USP2: variants seen among roughly 807,000 people sequenced by gnomAD.
USP2 encodes the protein ubiquitin carboxyl-terminal hydrolase 2.
USP2 carries 33 observed loss-of-function variants against 72.0 expected under a neutral mutation model. The ratio of observed to expected loss-of-function variants is 0.46; its 90% CI spans 0.35 to 0.61. The LOEUF (loss-of-function observed/expected upper bound fraction) is 0.61, where lower values mean the gene tolerates loss of function less well. Among genes scored for constraint, USP2 ranks in the 20% least tolerant of loss-of-function variants. The pLI is 0.01. For synonymous variants in USP2, 296 were observed against 312.5 expected, an observed-to-expected ratio of 0.95 and a Z score of 0.56; for missense variants, 691 against 797.8, an observed-to-expected ratio of 0.87 and a Z score of 1.61.
chr11:119,367,182 C>T (rs1156529976), intron 2 of USP2, among the ~76,000 whole-genome samples: 1 of 152,202 alleles, frequency 6.6e-6, no homozygotes, highest in African/African-American at 2.4e-5. Context: ...ACTCTCTGTG[C>T]TTCAAATACA....
intron 2 of USP2, among the ~76,000 whole-genome samples, chr11:119,364,432 C>T (rs371769053): frequency 1.3e-5 from 2 of 152,216 alleles, no homozygotes; most frequent in East Asian, 3.9e-4. Flanking sequence ...AGGACCGGAG[C>T]CCTGAGGCCC....
intron 1 of USP2, among the ~76,000 whole-genome samples, chr11:119,375,705 C>T (rs548865420): frequency 6.6e-6 from 1 of 152,332 alleles, no homozygotes; most frequent in African/African-American, 2.4e-5. Context: ...TACAATCCCC[C>T]CAACAAGGGT....
chr11:119,357,107 T>G (rs913242679), intron 12 of USP2, 80 bp downstream of exon 12: 730 of 520,896 alleles, frequency 1.4e-3, no homozygotes, highest in African/African-American at 2.2e-3. Flanking sequence ...GGGAGGGGGG[T>G]GGGTTTGGGG....
At chr11:119,374,512 G>A (rs1950975351) in intron 1 of USP2, among the ~76,000 whole-genome samples, 1 of 152,210 alleles carries the variant, frequency 6.6e-6, no homozygotes, top group East Asian at 1.9e-4. Flanking sequence ...GAAAAGTGAT[G>A]CTTATTTGCC....
At chr11:119,359,689 G>A (rs1409176189) in intron 3 of USP2, 29 bp from the exon 4 acceptor site, 1 of 1,609,372 alleles carries the variant, frequency 6.2e-7, no homozygotes, top group Admixed American at 1.7e-5. Flanking sequence ...CAATCAGTGG[G>A]GAGACGAGAG....
rs1257019224 is a variant in USP2 at position 119,356,899 on chromosome 11, T to C, written c.1754A>G (p.Gln585Arg). The change falls in exon 13 of 13, where the codon CAA becomes CGA. Residue 585 changes from glutamine to arginine, a missense_variant. By Grantham distance (43) the Gln-to-Arg change is conservative. Transcript: ENST00000260187. Reference protein sequence around the residue: ...DSSVTPMSSSQVRTSDAYLLF... With the variant: ...DSSVTPMSSSRVRTSDAYLLF... ...CAGGTAGGCGTCGCTGGTGCGCACT[T>C]GGCTGGAGGACATGGGAGTGACGCT... The C allele has an allele frequency of 6.4e-7, 1 of 1,563,160 alleles. No individual in the cohort carries two copies.
At chr11:119,357,073 C>T in intron 12 of USP2, 114 bp downstream of exon 12, 1 of 1,301,216 alleles carries the variant, frequency 7.7e-7, no homozygotes. Flanking sequence ...GCCATCCATT[C>T]TCGGTGTAAG....
intron 1 of USP2, among the ~76,000 whole-genome samples, chr11:119,375,163 A>C (rs1438373065): frequency 6.6e-6 from 1 of 152,232 alleles, no homozygotes; most frequent in African/African-American, 2.4e-5. Flanking sequence ...CTGGCCACTC[A>C]GCAGACACTG....
rs767866406 is a variant in USP2 at position 119,372,848 on chromosome 11, C to A, written c.633G>T (p.Val211=). The A allele has an allele frequency of 1.2e-6, 2 of 1,607,516 alleles. No individual in the cohort carries two copies. ...NYGRKGSASQ[V]PSQAPPSRVP... ...CTCGTGAGGGAGGGGCCTGGGAGGG[C>A]ACCTGAGATGCACTGCCCTTGCGAC... Residue 211 remains valine (V), a synonymous_variant, in exon 2 of 13, where the codon GTG becomes GTT. Transcript: ENST00000260187.
At chr11:119,370,643 G>T (rs1010071498) in intron 2 of USP2, among the ~76,000 whole-genome samples, 2 of 152,164 alleles carry the variant, frequency 1.3e-5, no homozygotes, top group Admixed American at 6.5e-5. Flanking sequence ...TTAAATAAAG[G>T]TCTTGTACTA....
chr11:119,376,476 C>T, intron 1 of USP2: 1 of 930,534 alleles, frequency 1.1e-6, no homozygotes, highest in South Asian at 5.0e-5. Context: ...GCTCCTTTCA[C>T]TGTTTACCCA....
rs367898012 is a variant in USP2, at chr11:119,363,325, G to A, written c.775-3091C>T. Among the ~76,000 whole-genome samples, 9 of 152,370 alleles carry A rather than the reference G, an allele frequency of 5.9e-5. No individual in the cohort carries two copies. The South Asian group carries it at 1.0e-3, about 18-fold the overall frequency. ...ATAAATGGAGAGGACGGAAAGAAGG[G>A]GAAGTTGCCCTCTGTCACCTGTCTG... On this transcript the variant is annotated intron_variant, in intron 2 of 12. Coordinates refer to ENST00000260187, the MANE Select transcript of USP2 (RefSeq NM_004205.5).
chr11:119,356,062 A>C lies in USP2; in HGVS notation c.*773T>G, dbSNP rs989249445. 3 of 147,934 alleles carry C rather than the reference A, an allele frequency of 2.0e-5. No individual in the cohort carries two copies. Among genetic ancestry groups the C allele is most frequent in the Admixed American group, 6.6e-5 (1 of 15,040 alleles). The allele number at this position is 147,934 out of a possible 1,614,324, so 9.2% of individuals were successfully genotyped here. ...TTCAAAACATTAAAAAAAAAAAAAA[A>C]AAACCCAAACCCCCAAAACAGAAAC... is the stretch of plus-strand genomic sequence containing the variant. On this transcript the variant is annotated 3_prime_UTR_variant, in exon 13 of 13. Transcript: ENST00000260187.
intron 1 of USP2, chr11:119,376,099 G>T: frequency 1.2e-6 from 1 of 822,258 alleles, no homozygotes. Context: ...CCTGCGGAGA[G>T]GGTTCCTACT....
At chr11:119,357,647 A>C in intron 10 of USP2, 57 bp from the exon 11 acceptor site, 1 of 1,613,732 alleles carries the variant, frequency 6.2e-7, no homozygotes, top group Non-Finnish European at 8.5e-7. Flanking sequence ...AGACAACAAA[A>C]GGAAAGCCTA....
Position 119,357,961 on chromosome 11 carries a change from A to G in USP2, c.1422+20T>C, listed in dbSNP as rs774954353. 1.5e-5 allele frequency: 25 copies of G among 1,614,040 alleles called. No homozygotes were observed. In the Admixed American group the frequency reaches 3.2e-4, roughly 20 times the overall value. ...GGTCCCACGGAAATTTGTTCTTGCT[A>G]TTACCGAAGGGTGACTTACTGGCTT... On this transcript the variant is annotated intron_variant, in intron 9 of 12. Transcript: ENST00000260187.
Position 119,381,491 on chromosome 11 carries a change from T to G in USP2, c.-60A>C. ...CACGTACCTGCCTCTTCTTGGAGTA[T>G]GGACGAGTCGAACCGGGCACAAGCA... On this transcript the variant is annotated 5_prime_UTR_variant, in exon 1 of 13. Transcript: ENST00000260187. 6.5e-7 allele frequency: 1 copy of G among 1,536,166 alleles called. No homozygotes were observed. The highest frequency in any genetic ancestry group is 8.7e-7 in the Non-Finnish European group (1 of 1,146,898).
chr11:119,379,526 A>G (rs1355858732), intron 1 of USP2, among the ~76,000 whole-genome samples: 6 of 152,220 alleles, frequency 3.9e-5, no homozygotes, highest in Non-Finnish European at 5.9e-5. Flanking sequence ...GCTCAAGGGC[A>G]TGTGCAGATA....
Position 119,381,676 on chromosome 11 carries a change from C to A in USP2, c.-245G>T. 2 of 857,178 alleles carry A rather than the reference C, an allele frequency of 2.3e-6. No homozygotes were observed. Among genetic ancestry groups the A allele is most frequent in the Non-Finnish European group, 3.7e-6 (2 of 536,504 alleles). The allele number at this position is 857,178 out of a possible 1,614,324, so 53.1% of individuals were successfully genotyped here. On this transcript the variant is annotated 5_prime_UTR_variant, in exon 1 of 13. Coordinates refer to ENST00000260187, the MANE Select transcript of USP2 (RefSeq NM_004205.5). ...AAATCGGCGCCACCCAGCGGGCAGCCGCCTCATCGCGCCTGGGCCGGCAGA... is the reference window on the plus strand; with the variant it reads ...AAATCGGCGCCACCCAGCGGGCAGCAGCCTCATCGCGCCTGGGCCGGCAGA...
Sources: gnomAD v4.1 joint callset for allele counts (sites outside exome capture counted in the v4.1 genomes callset) on GRCh38, gnomAD v4.1.1 for gene constraint, MANE v1.5 for transcripts, NCBI Gene and HGNC (gene_info 2026-07-23, HGNC 2026-07-21) for gene names.